The following WFDC8 variants were observed in gnomAD, a reference collection of about 807,000 sequenced individuals.
WFDC8 encodes WAP four-disulfide core domain protein 8.
Under a neutral mutation model 27.0 loss-of-function variants are expected in WFDC8, and 24 were observed. The ratio of observed to expected loss-of-function variants is 0.89; its 90% CI spans 0.64 to 1.25. WFDC8 has a LOEUF of 1.25. Ranked by LOEUF, WFDC8 falls within the 50% of genes most tolerant of loss-of-function variation. The pLI is 0.00. For synonymous variants in WFDC8, 106 were observed against 99.7 expected (o/e 1.06, Z -0.38); for missense variants, 287 against 295.9 (o/e 0.97, Z 0.22).
intron 3 of WFDC8, 43 bp from the exon 4 acceptor site, chr20:45,555,911 A>T: frequency 6.3e-7 from 1 of 1,588,220 alleles, no homozygotes; most frequent in Non-Finnish European, 8.6e-7. Flanking sequence ...AAGAGTAGAG[A>T]TAAAAGAACA....
chr20:45,570,970 T>A (rs1980846868), intron 1 of WFDC8, among the ~76,000 whole-genome samples: 1 of 152,138 alleles, frequency 6.6e-6, no homozygotes, highest in African/African-American at 2.4e-5. Flanking sequence ...GTGGGAAGAT[T>A]TTTCGTATTT....
chr20:45,561,836 G>A (rs759298598), intron 2 of WFDC8, among the ~76,000 whole-genome samples: 8 of 151,946 alleles, frequency 5.3e-5, no homozygotes, highest in Non-Finnish European at 1.0e-4. Context: ...TAAGACAGAT[G>A]AGACCAGATC....
At chr20:45,574,657 G>T (rs1244235158) in intron 1 of WFDC8, among the ~76,000 whole-genome samples, 1 of 152,102 alleles carries the variant, frequency 6.6e-6, no homozygotes, top group Non-Finnish European at 1.5e-5. Context: ...AATTAGCCAG[G>T]CATGGTGACA....
Position 45,552,065 on chromosome 20 carries a change from G to A in WFDC8, c.687C>T (p.Cys229=), listed in dbSNP as rs771159856. ...CCATACATTTCAGTCCACAATGTGAGCAGCACTTTTCCACCAATGGGCACT... is the reference window on the plus strand; with the variant it reads ...CCATACATTTCAGTCCACAATGTGAACAGCACTTTTCCACCAATGGGCACT... ...DEECPLVEKC[C]SHCGLKCMDP... The change falls in exon 6 of 6, where the codon TGC becomes TGT. Residue 229 remains cysteine, a synonymous_variant. Coordinates refer to ENST00000289953, the MANE Select transcript of WFDC8 (RefSeq NM_130896.3). 1 of 1,614,106 alleles carries A rather than the reference G, an allele frequency of 6.2e-7. No homozygotes were observed. Among genetic ancestry groups the A allele is most frequent in the Admixed American group, 1.7e-5 (1 of 60,024 alleles).
At chr20:45,574,871 A>G (rs532734707) in intron 1 of WFDC8, among the ~76,000 whole-genome samples, 98 of 152,352 alleles carry the variant, frequency 6.4e-4, no homozygotes, top group African/African-American at 2.3e-3. Context: ...GGATGGTTCA[A>G]CATATTCAAA....
At chr20:45,559,081 GCCCTATCCTCTA>G (rs1980375143) in intron 2 of WFDC8, 89 bp from the exon 3 acceptor site, 1 of 1,524,004 alleles carries the variant, frequency 6.6e-7, no homozygotes, top group Admixed American at 1.8e-5. Flanking sequence ...AATTCTCTCA[GCCCTATCCTCTA>G]CCTTCGATTC....
At position 45,558,882 on chromosome 20, in the gene WFDC8, A is replaced by T. The variant is rs745608583; in HGVS notation, c.247T>A (p.Cys83Ser). ...KEYQKCCFFA[C>S]QKKCMDPFQE... ...AAGGGATCCATGCACTTCTTCTGAC[A>T]GGCAAAAAAGCAGCACTTCTGGTAT... is the stretch of plus-strand genomic sequence containing the variant. Residue 83 changes from cysteine to serine, a missense_variant, in exon 3 of 6, where the codon TGT becomes AGT. Cys to Ser is a moderately radical substitution (Grantham distance 112, BLOSUM62 -1). Transcript: ENST00000289953. 6 of 1,614,074 alleles carry T rather than the reference A, an allele frequency of 3.7e-6. No homozygotes were observed. Among genetic ancestry groups the T allele is most frequent in the African/African-American group, 2.7e-5 (2 of 74,936 alleles).
At chr20:45,555,411 C>T (rs959750628) in intron 4 of WFDC8, among the ~76,000 whole-genome samples, 3 of 152,212 alleles carry the variant, frequency 2.0e-5, no homozygotes, top group African/African-American at 4.8e-5. Context: ...CAAGGGGGCA[C>T]ACCTGGCTTT....
At chr20:45,554,316 C>G (rs1270862086) in intron 4 of WFDC8, among the ~76,000 whole-genome samples, 1 of 152,132 alleles carries the variant, frequency 6.6e-6, no homozygotes, top group African/African-American at 2.4e-5. Context: ...GTGTGAGCTA[C>G]TGTGCCTGGC....
chr20:45,559,095 C>T, intron 2 of WFDC8, 103 bp from the exon 3 acceptor site: 1 of 1,431,608 alleles, frequency 7.0e-7, no homozygotes, highest in Non-Finnish European at 9.6e-7. Flanking sequence ...TATCCTCTAC[C>T]TTCGATTCTT....
At chr20:45,567,055 T>C (rs1400246014) in intron 1 of WFDC8, among the ~76,000 whole-genome samples, 1 of 151,700 alleles carries the variant, frequency 6.6e-6, no homozygotes, top group Non-Finnish European at 1.5e-5. Flanking sequence ...TATTTTTTAT[T>C]GTTTTTTTCT....
In WFDC8 at chr20:45,555,404, G is replaced by T. The variant is rs148754282; in HGVS notation, c.445+297C>A. On this transcript the variant is annotated intron_variant, in intron 4 of 5. Transcript: ENST00000289953. ...ATGATGAGGAAACACCTTCTTCCAA[G>T]GGGGCACACCTGGCTTTCGGGTCAC... Among the ~76,000 whole-genome samples the T allele has an allele frequency of 7.2e-5, 11 of 152,258 alleles. No individual in the cohort carries two copies. In the East Asian group the frequency reaches 2.1e-3, roughly 29 times the overall value.
intron 1 of WFDC8, among the ~76,000 whole-genome samples, chr20:45,571,435 A>G (rs897565530): frequency 1.3e-5 from 2 of 152,250 alleles, no homozygotes; most frequent in Non-Finnish European, 2.9e-5. Context: ...GAATGGTTAT[A>G]TCAGGGTAAT....
chr20:45,567,320 A>T (rs1165418024), intron 1 of WFDC8, among the ~76,000 whole-genome samples: 1 of 152,234 alleles, frequency 6.6e-6, no homozygotes, highest in African/African-American at 2.4e-5. Flanking sequence ...ACACACTCAA[A>T]TAATAAGCCA....
At chr20:45,563,895 G>A (rs751836530) in intron 1 of WFDC8, among the ~76,000 whole-genome samples, 2 of 152,190 alleles carry the variant, frequency 1.3e-5, no homozygotes, top group African/African-American at 2.4e-5. Context: ...GGAGGCAGGG[G>A]AGAAACACAG....
chr20:45,561,062 C>T (rs1980450066), intron 2 of WFDC8, among the ~76,000 whole-genome samples: 1 of 152,192 alleles, frequency 6.6e-6, no homozygotes, highest in South Asian at 2.1e-4. Flanking sequence ...GTTGTTGTAG[C>T]TCCTTTCCCC....
chr20:45,553,412 CT>C, intron 4 of WFDC8, 136 bp from the exon 5 acceptor site: 1 of 1,120,180 alleles, frequency 8.9e-7, no homozygotes, highest in Non-Finnish European at 1.2e-6. Context: ...CTCCAGTAGG[CT>C]GTGGAAGAAT....
chr20:45,562,281 G>T, intron 1 of WFDC8, 62 bp from the exon 2 acceptor site: 1 of 1,402,924 alleles, frequency 7.1e-7, no homozygotes, highest in African/African-American at 1.4e-5. Context: ...CAAAGTGTGT[G>T]CAGGGGAACC....
chr20:45,565,174 C>A (rs181927286), intron 1 of WFDC8, among the ~76,000 whole-genome samples: 1 of 152,058 alleles, frequency 6.6e-6, no homozygotes, highest in East Asian at 1.9e-4. Context: ...GGACACACAC[C>A]AGGAATGAAG....
Sources: gnomAD v4.1 joint callset for allele counts (sites outside exome capture counted in the v4.1 genomes callset) on GRCh38, gnomAD v4.1.1 for gene constraint, MANE v1.5 for transcripts, NCBI Gene and HGNC (gene_info 2026-07-23, HGNC 2026-07-21) for gene names.